HECW2: variants seen among roughly 807,000 people sequenced by gnomAD.
HECW2 encodes HECT, C2 and WW domain containing E3 ubiquitin protein ligase 2.
A neutral mutation model predicts 175.2 loss-of-function variants in HECW2; 61 were observed. The observed-to-expected ratio is 0.35, with a 90% CI of 0.28 to 0.43. HECW2 has a LOEUF of 0.43. Ranked by LOEUF, HECW2 falls within the 20% of genes least tolerant of loss-of-function variation. The pLI is 1.00. For synonymous variants in HECW2, 671 were observed against 731.0 expected, an observed-to-expected ratio of 0.92 and a Z score of 1.32; for missense variants, 1,524 against 2,000.5, an observed-to-expected ratio of 0.76 and a Z score of 4.54.
chr2:196,354,971 A>AT (rs796291643), intron 2 of HECW2, among the ~76,000 whole-genome samples: 3 of 152,138 alleles, frequency 2.0e-5, no homozygotes, highest in Non-Finnish European at 4.4e-5. Context: ...CTAAATTAAG[A>AT]TTTTTTTCCC....
chr2:196,329,323 T>C (rs560843122), intron 5 of HECW2, among the ~76,000 whole-genome samples: 1 of 152,284 alleles, frequency 6.6e-6, no homozygotes, highest in Non-Finnish European at 1.5e-5. Flanking sequence ...ACAGTTTTTC[T>C]TGAAGTAACT....
intron 21 of HECW2, among the ~76,000 whole-genome samples, chr2:196,236,852 G>A (rs1034759303): frequency 1.3e-5 from 2 of 152,178 alleles, no homozygotes; most frequent in East Asian, 3.8e-4. Flanking sequence ...TTGATCACCT[G>A]ACTGCCATAG....
chr2:196,248,719 A>AAG (rs1438380850), intron 19 of HECW2, among the ~76,000 whole-genome samples: 120 of 151,924 alleles, frequency 7.9e-4, no homozygotes, highest in African/African-American at 2.4e-3. Flanking sequence ...GTGAAAAGAG[A>AAG]AGATGACATA....
At chr2:196,538,728 T>C (rs1269449532) in intron 1 of HECW2, among the ~76,000 whole-genome samples, 1 of 152,242 alleles carries the variant, frequency 6.6e-6, no homozygotes, top group Non-Finnish European at 1.5e-5. Flanking sequence ...ATTTTGCTTT[T>C]GCTCGTATAA....
At chr2:196,331,464 CT>C (rs1439585437) in intron 4 of HECW2, 2 of 184,794 alleles carry the variant, frequency 1.1e-5, no homozygotes, top group African/African-American at 4.8e-5. Flanking sequence ...ACTGCGGCCT[CT>C]CTGCAAATGG....
intron 1 of HECW2, among the ~76,000 whole-genome samples, chr2:196,526,557 C>A (rs919309964): frequency 6.6e-6 from 1 of 151,438 alleles, no homozygotes; most frequent in African/African-American, 2.4e-5. Context: ...AGGCGCTCTG[C>A]GTTTTAGAGT....
intron 1 of HECW2, among the ~76,000 whole-genome samples, chr2:196,534,781 T>C (rs1177535927): frequency 6.6e-6 from 1 of 152,222 alleles, no homozygotes; most frequent in African/African-American, 2.4e-5. Context: ...AGATGCTGCT[T>C]GCTTTGCCTA....
chr2:196,349,954 C>T (rs978651993), intron 2 of HECW2, among the ~76,000 whole-genome samples: 1 of 152,198 alleles, frequency 6.6e-6, no homozygotes, highest in African/African-American at 2.4e-5. Context: ...AAATCTCCTG[C>T]ACATTCACTG....
chr2:196,430,298 T>C (rs1169451612), intron 2 of HECW2, among the ~76,000 whole-genome samples: 3 of 152,102 alleles, frequency 2.0e-5, no homozygotes, highest in Admixed American at 6.6e-5. Flanking sequence ...AACCTGCTTA[T>C]TAGAAAAAAA....
At chr2:196,474,728 A>G (rs1686495425) in intron 1 of HECW2, among the ~76,000 whole-genome samples, 1 of 152,170 alleles carries the variant, frequency 6.6e-6, no homozygotes, top group East Asian at 1.9e-4. Context: ...ATCTTTTTTT[A>G]GGATTGATTC....
At chr2:196,405,269 C>CA in intron 2 of HECW2, among the ~76,000 whole-genome samples, 1 of 152,088 alleles carries the variant, frequency 6.6e-6, no homozygotes, top group South Asian at 2.1e-4. Flanking sequence ...AAAACAAAAC[C>CA]AAACACAAGC....
At chr2:196,407,041 T>C (rs1260154030) in intron 2 of HECW2, among the ~76,000 whole-genome samples, 1 of 152,200 alleles carries the variant, frequency 6.6e-6, no homozygotes, top group Non-Finnish European at 1.5e-5. Flanking sequence ...TATCCCAGGA[T>C]CTAGAAGTAT....
chr2:196,373,212 T>G (rs147786675), intron 2 of HECW2, among the ~76,000 whole-genome samples: 16 of 152,382 alleles, frequency 1.0e-4, no homozygotes, highest in Non-Finnish European at 2.1e-4. Flanking sequence ...AACTGGCCTC[T>G]GCAGTCTCCT....
At position 196,194,098 on chromosome 2, in the gene HECW2, A is replaced by G. The variant is rs541590119; in HGVS notation, c.*7179T>C. The G allele has an allele frequency of 1.6e-4, 25 of 152,350 alleles. No individual in the cohort carries two copies. Among genetic ancestry groups the G allele is most frequent in the Middle Eastern group, 3.4e-3 (1 of 294 alleles). 9.4% of individuals were successfully genotyped at this position (152,350 alleles called of 1,614,324 possible). On this transcript the variant is annotated 3_prime_UTR_variant, in exon 29 of 29. Transcript: ENST00000644978. ...GAGTTAAGAAATTATGATTTGTATT[A>G]TAATTCATTCCTTTAACATTAACAG...
chr2:196,541,142 C>A (rs756202223), intron 1 of HECW2, among the ~76,000 whole-genome samples: 7 of 152,116 alleles, frequency 4.6e-5, no homozygotes, highest in Admixed American at 1.3e-4. Flanking sequence ...CTCCTGGGAG[C>A]GGCTCTGCAG....
rs114395827 is a variant in HECW2, at chr2:196,566,555, G to C, written c.-36+26953C>G. On this transcript the variant is annotated intron_variant, in intron 1 of 28. Transcript: ENST00000644978. ...TTTTCTTTTTTTTTTTTTTGAAATG[G>C]AATCTCGTTCTTGCTGCCCAGGCTG... Among the ~76,000 whole-genome samples the C allele has an allele frequency of 1.9e-4, 28 of 148,950 alleles. No homozygotes were observed. In the South Asian group the frequency reaches 5.9e-3, roughly 31 times the overall value.
At position 196,398,761 on chromosome 2, in the gene HECW2, TCA is replaced by T. The variant is rs1286440235; in HGVS notation, c.292+34369_292+34370del. On this transcript the variant is annotated intron_variant, in intron 2 of 28. Coordinates refer to ENST00000644978, the MANE Select transcript of HECW2 (RefSeq NM_001348768.2). ...GGTTTCCCCAGTGAGAGCAAAAGAC[TCA>T]CGTTATTCTGCAGATACAGAAGCTC... 2.0e-5 allele frequency among the ~76,000 whole-genome samples: 3 copies of T among 152,328 alleles called. No individual in the cohort carries two copies. In the East Asian group the frequency reaches 5.8e-4, roughly 29 times the overall value.
At chr2:196,350,466 C>T (rs547548610) in intron 2 of HECW2, among the ~76,000 whole-genome samples, 1 of 152,350 alleles carries the variant, frequency 6.6e-6, no homozygotes, top group South Asian at 2.1e-4. Flanking sequence ...TTTTAGCAAG[C>T]ACCCCAACCA....
At chr2:196,459,849 T>G (rs1308803647) in intron 1 of HECW2, among the ~76,000 whole-genome samples, 2 of 152,184 alleles carry the variant, frequency 1.3e-5, no homozygotes. Context: ...CCACCCTGGA[T>G]CATGCTAATG....
Sources: allele counts gnomAD v4.1 joint callset (sites outside exome capture counted in the v4.1 genomes callset), GRCh38; gene constraint gnomAD v4.1.1; transcripts MANE v1.5; gene names NCBI Gene and HGNC (gene_info 2026-07-23, HGNC 2026-07-21).